CLASP1: variants seen among roughly 807,000 people sequenced by gnomAD.
CLASP1 encodes the protein cytoplasmic linker associated protein 1.
In CLASP1, 38 loss-of-function variants were observed where a neutral mutation model predicts 192.3. The ratio of observed to expected loss-of-function variants is 0.20; its 90% CI spans 0.15 to 0.26. The LOEUF is 0.26. Ranked by LOEUF, CLASP1 falls within the 10% of genes least tolerant of loss-of-function variation. CLASP1 has a pLI of 1.00. For missense variants in CLASP1, 1,433 were observed against 1,932.5 expected, an observed-to-expected ratio of 0.74 and a Z score of 4.85; for synonymous variants, 691 against 712.8, an observed-to-expected ratio of 0.97 and a Z score of 0.49.
intron 35 of CLASP1, among the ~76,000 whole-genome samples, chr2:121,365,649 C>T (rs1052415037): frequency 1.3e-5 from 2 of 152,216 alleles, no homozygotes; most frequent in South Asian, 4.1e-4. Flanking sequence ...TCTCCCACTG[C>T]CATGGTCCTG....
intron 2 of CLASP1, among the ~76,000 whole-genome samples, chr2:121,570,963 C>A (rs1264017952): frequency 6.6e-6 from 1 of 151,886 alleles, no homozygotes; most frequent in African/African-American, 2.4e-5. Flanking sequence ...CCATTAGAAT[C>A]TTCCTGCCTT....
At chr2:121,480,554 G>A (rs554063335) in intron 8 of CLASP1, among the ~76,000 whole-genome samples, 6 of 152,322 alleles carry the variant, frequency 3.9e-5, no homozygotes, top group Admixed American at 3.3e-4. Context: ...GAGCTGTAAC[G>A]TCACAGGCCT....
At chr2:121,436,270 G>A (rs1009930223) in intron 19 of CLASP1, among the ~76,000 whole-genome samples, 1 of 152,208 alleles carries the variant, frequency 6.6e-6, no homozygotes, top group South Asian at 2.1e-4. Flanking sequence ...GTCCTCAAGC[G>A]ATCAGCCCAC....
At chr2:121,455,220 T>G (rs1559267687) in intron 14 of CLASP1, among the ~76,000 whole-genome samples, 2 of 152,226 alleles carry the variant, frequency 1.3e-5, no homozygotes, top group African/African-American at 4.8e-5. Flanking sequence ...TTCGTGACTT[T>G]AGATAGCTGG....
chr2:121,344,539 G>C (rs2063203893), intron 39 of CLASP1, among the ~76,000 whole-genome samples: 1 of 151,816 alleles, frequency 6.6e-6, no homozygotes, highest in East Asian at 1.9e-4. Context: ...CCATGTTGGT[G>C]AGGCTGGTCT....
At chr2:121,365,741 T>A (rs889171002) in intron 35 of CLASP1, among the ~76,000 whole-genome samples, 1 of 152,154 alleles carries the variant, frequency 6.6e-6, no homozygotes, top group African/African-American at 2.4e-5. Flanking sequence ...CTCCTCACCA[T>A]CACATCTGAT....
At chr2:121,424,791 G>A (rs951640289) in intron 22 of CLASP1, among the ~76,000 whole-genome samples, 1 of 152,182 alleles carries the variant, frequency 6.6e-6, no homozygotes, top group Non-Finnish European at 1.5e-5. Flanking sequence ...ATAGGTTAAT[G>A]TCTACTTAGT....
intron 20 of CLASP1, among the ~76,000 whole-genome samples, chr2:121,429,688 C>A (rs1483900112): frequency 6.6e-6 from 1 of 152,204 alleles, no homozygotes; most frequent in Non-Finnish European, 1.5e-5. Context: ...TTATTTACCA[C>A]TGGAAAGAAC....
chr2:121,355,670 G>A (rs1175474710), intron 37 of CLASP1, among the ~76,000 whole-genome samples: 1 of 152,180 alleles, frequency 6.6e-6, no homozygotes, highest in Non-Finnish European at 1.5e-5. Flanking sequence ...TTTTGCCCCT[G>A]TGTTCTATGT....
chr2:121,490,962 T>C (rs1240009843), intron 8 of CLASP1, among the ~76,000 whole-genome samples: 2 of 152,232 alleles, frequency 1.3e-5, no homozygotes, highest in Non-Finnish European at 2.9e-5. Flanking sequence ...AATAATGACT[T>C]GGCTTCTTAA....
chr2:121,503,363 C>A, intron 7 of CLASP1, 129 bp from the exon 8 acceptor site: 1 of 601,372 alleles, frequency 1.7e-6, no homozygotes, highest in East Asian at 2.8e-5. Flanking sequence ...CACCTAGTAA[C>A]AAAACAGTGA....
chr2:121,434,764 T>A (rs1211460778), intron 19 of CLASP1, among the ~76,000 whole-genome samples: 1 of 148,964 alleles, frequency 6.7e-6, no homozygotes, highest in East Asian at 2.0e-4. Flanking sequence ...CTGAGGCAGG[T>A]GGATTACTTG....
At chr2:121,632,009 T>C (rs2069774377) in intron 1 of CLASP1, among the ~76,000 whole-genome samples, 1 of 152,022 alleles carries the variant, frequency 6.6e-6, no homozygotes, top group Non-Finnish European at 1.5e-5. Flanking sequence ...ATCACGCCAC[T>C]GCACTCCAGC....
intron 32 of CLASP1, among the ~76,000 whole-genome samples, chr2:121,384,067 TAC>T (rs201621935): frequency 0.057 from 7,806 of 136,464 alleles, 721 homozygotes; most frequent in African/African-American, 0.19. Context: ...TATGTATATA[TAC>T]ACACACACAT....
chr2:121,642,700 C>A (rs1268273728), intron 1 of CLASP1, among the ~76,000 whole-genome samples: 1 of 152,104 alleles, frequency 6.6e-6, no homozygotes, highest in Non-Finnish European at 1.5e-5. Context: ...CCACTTCACT[C>A]CAGCCTGGGC....
At chr2:121,364,299 A>T (rs2066970572) in intron 36 of CLASP1, 1 of 152,310 alleles carries the variant, frequency 6.6e-6, no homozygotes, top group Non-Finnish European at 1.5e-5. Context: ...CCCTTCCTCC[A>T]GCCCCTCCCC....
Position 121,530,988 on chromosome 2 carries a change from T to A in CLASP1, c.196-663A>T, listed in dbSNP as rs544511887. ...CATCAACTAGAGCTTTTGCTTTATT[T>A]TGGTGCAATTTTTGGAAAAATGAAA... On this transcript the variant is annotated intron_variant, in intron 2 of 39. Transcript: ENST00000263710. 302 of 700,362 alleles carry A rather than the reference T, an allele frequency of 4.3e-4. 2 individuals are homozygous for A. The South Asian group carries it at 4.3e-3, about 10-fold the overall frequency. 43.4% of individuals were successfully genotyped at this position (700,362 alleles called of 1,614,324 possible).
At chr2:121,502,269 A>G (rs2093778810) in intron 8 of CLASP1, among the ~76,000 whole-genome samples, 1 of 151,494 alleles carries the variant, frequency 6.6e-6, no homozygotes, top group Non-Finnish European at 1.5e-5. Context: ...GCTCATTGAG[A>G]AAAAAAATAA....
intron 18 of CLASP1, 133 bp from the exon 19 acceptor site, chr2:121,447,640 GACAAA>G: frequency 1.3e-6 from 1 of 767,474 alleles, no homozygotes; most frequent in Non-Finnish European, 2.0e-6. Context: ...ATAAAAAACT[GACAAA>G]CAGTTTCTCC....
Sources: gnomAD v4.1 joint callset for allele counts (sites outside exome capture counted in the v4.1 genomes callset) on GRCh38, gnomAD v4.1.1 for gene constraint, MANE v1.5 for transcripts, NCBI Gene and HGNC (gene_info 2026-07-23, HGNC 2026-07-21) for gene names.